Variants in TSPAN14 observed in about 807,000 individuals in gnomAD.
TSPAN14 encodes the protein tetraspanin 14.
TSPAN14 carries 16 observed loss-of-function variants against 36.6 expected under a neutral mutation model. That is an observed-to-expected ratio of 0.44 (90% CI 0.30 to 0.66). TSPAN14 has a LOEUF of 0.66. Among genes scored for constraint, TSPAN14 ranks in the 30% least tolerant of loss-of-function variants. The probability of loss-of-function intolerance (pLI) is 0.12; values close to 1 mark genes in which losing one functional copy is unlikely to be tolerated. For missense variants in TSPAN14, 231 were observed against 355.1 expected, an observed-to-expected ratio of 0.65 and a Z score of 2.81; for synonymous variants, 139 against 143.8, an observed-to-expected ratio of 0.97 and a Z score of 0.24.
chr10:80,509,564 G>A lies in TSPAN14; in HGVS notation c.450+93G>A, dbSNP rs1840499432. The A allele has an allele frequency of 1.4e-6, 2 of 1,387,980 alleles. No individual in the cohort carries two copies. Among genetic ancestry groups the A allele is most frequent in the Non-Finnish European group, 2.0e-6 (2 of 1,015,356 alleles). 86.0% of individuals were successfully genotyped at this position (1,387,980 alleles called of 1,614,324 possible). A position where few individuals can be genotyped will look rare whatever the true frequency, so the allele number is the denominator to read the frequency against. ...GCAGGGGCATCAGGCCTTCTCTGTG[G>A]GTTGTCTGCCTGCAGCTTGGCAGAC... On this transcript the variant is annotated intron_variant, in intron 5 of 8. Coordinates refer to ENST00000429989, the Ensembl canonical transcript of TSPAN14. This position sits in a 1 kb window ranked among gnomAD's most constrained non-coding sequence, Gnocchi z 4.7.
chr10:80,515,679 G>A (rs1326316363), intron 7 of TSPAN14: 1 of 161,946 alleles, frequency 6.2e-6, no homozygotes, highest in Non-Finnish European at 1.4e-5. Flanking sequence ...GCTGGGGTGT[G>A]TGCTGGGATG....
chr10:80,463,433 A>G (rs1846083000), intron 1 of TSPAN14, among the ~76,000 whole-genome samples: 1 of 152,242 alleles, frequency 6.6e-6, no homozygotes, highest in South Asian at 2.1e-4. Flanking sequence ...CCAGATGTTC[A>G]GTGCCTAGTC....
At chr10:80,506,970 G>A (rs1564741126) in intron 3 of TSPAN14, among the ~76,000 whole-genome samples, 1 of 152,246 alleles carries the variant, frequency 6.6e-6, no homozygotes, top group Non-Finnish European at 1.5e-5. Context: ...TGCAGAAGAA[G>A]CCTGGTGGCT....
At chr10:80,462,632 A>C (rs1181766057) in intron 1 of TSPAN14, among the ~76,000 whole-genome samples, 3 of 152,188 alleles carry the variant, frequency 2.0e-5, no homozygotes, top group Non-Finnish European at 4.4e-5. Flanking sequence ...TTTAAACAAC[A>C]TATATGTATC....
chr10:80,468,250 G>C (rs951610585), intron 1 of TSPAN14, among the ~76,000 whole-genome samples: 3 of 152,072 alleles, frequency 2.0e-5, no homozygotes, highest in Non-Finnish European at 4.4e-5. Flanking sequence ...CATTGTCTTC[G>C]GGGCCAGCCT....
At chr10:80,471,267 C>A (rs1290003974) in intron 1 of TSPAN14, among the ~76,000 whole-genome samples, 1 of 152,116 alleles carries the variant, frequency 6.6e-6, no homozygotes, top group East Asian at 1.9e-4. Context: ...TCTCCCACAG[C>A]AAAAGTCTTT....
intron 6 of TSPAN14, among the ~76,000 whole-genome samples, chr10:80,513,722 TAA>T (rs1287726303): frequency 6.6e-6 from 1 of 152,260 alleles, no homozygotes; most frequent in East Asian, 1.9e-4. Context: ...TCAGTGTCCA[TAA>T]AGTTTTCTTG....
intron 2 of TSPAN14, among the ~76,000 whole-genome samples, chr10:80,493,158 A>G (rs969531827): frequency 1.3e-5 from 2 of 152,208 alleles, no homozygotes; most frequent in African/African-American, 2.4e-5. Flanking sequence ...TTTTAGTGCA[A>G]AAATCTCACT....
At chr10:80,492,498 A>T (rs978346025) in intron 2 of TSPAN14, among the ~76,000 whole-genome samples, 2 of 152,150 alleles carry the variant, frequency 1.3e-5, no homozygotes, top group African/African-American at 4.8e-5. Context: ...ATGAGGTTTT[A>T]TTTAGTAGTT....
At chr10:80,458,183 T>C (rs1268259570) in intron 1 of TSPAN14, among the ~76,000 whole-genome samples, 2 of 152,204 alleles carry the variant, frequency 1.3e-5, no homozygotes, top group South Asian at 2.1e-4. Flanking sequence ...TCCCCACTTT[T>C]GTGGGACTCG....
chr10:80,514,636 A>C (rs1475835761), intron 7 of TSPAN14, among the ~76,000 whole-genome samples: 2 of 152,132 alleles, frequency 1.3e-5, no homozygotes, highest in Non-Finnish European at 2.9e-5. Flanking sequence ...AGGAGTCTCG[A>C]GGAATCTTCA....
At chr10:80,472,010 CT>C (rs1846580915) in intron 1 of TSPAN14, among the ~76,000 whole-genome samples, 1 of 152,200 alleles carries the variant, frequency 6.6e-6, no homozygotes, top group African/African-American at 2.4e-5. Context: ...CCCCATCTCC[CT>C]ATGTAGCTGG....
At chr10:80,454,909 A>T (rs1262988344) in intron 1 of TSPAN14, among the ~76,000 whole-genome samples, 1 of 152,142 alleles carries the variant, frequency 6.6e-6, no homozygotes, top group Non-Finnish European at 1.5e-5. Context: ...GGTTGTGCTC[A>T]GTCTCCCACG....
intron 2 of TSPAN14, among the ~76,000 whole-genome samples, chr10:80,496,275 A>AT (rs1214086230): frequency 2.6e-5 from 4 of 151,934 alleles, no homozygotes; most frequent in Admixed American, 1.3e-4. Context: ...TGATTTTTAG[A>AT]TTTTTTTCCT....
intron 1 of TSPAN14, among the ~76,000 whole-genome samples, chr10:80,469,127 G>A (rs1846399071): frequency 6.6e-6 from 1 of 151,968 alleles, no homozygotes; most frequent in African/African-American, 2.4e-5. Flanking sequence ...GAGCCCTGCT[G>A]GTGAGGTTAT....
intron 1 of TSPAN14, among the ~76,000 whole-genome samples, chr10:80,469,334 G>T (rs560979244): frequency 9.2e-5 from 14 of 151,846 alleles, no homozygotes; most frequent in Admixed American, 5.2e-4. Context: ...AAGATGTTTT[G>T]GTGTATGTTG....
At chr10:80,518,947 A>G (rs1841100464) in exon 9 of TSPAN14, 1 of 152,692 alleles carries the variant, frequency 6.5e-6, no homozygotes, top group Non-Finnish European at 1.5e-5. Flanking sequence ...GCCTCCCTCC[A>G]TGCATCCCAC....
chr10:80,469,205 C>T (rs74143136), intron 1 of TSPAN14, among the ~76,000 whole-genome samples: 4,758 of 152,172 alleles, frequency 0.031, 182 homozygotes, highest in East Asian at 0.088. Context: ...AAAGGGCAGC[C>T]CTAAGCCTCC....
intron 1 of TSPAN14, among the ~76,000 whole-genome samples, chr10:80,475,424 C>T (rs752704473): frequency 4.2e-4 from 64 of 152,140 alleles, no homozygotes; most frequent in Non-Finnish European, 6.5e-4. Context: ...AAATTAACTT[C>T]GTGTGGTGGT....
Sources: gnomAD v4.1 joint callset for allele counts (sites outside exome capture counted in the v4.1 genomes callset) on GRCh38, gnomAD v4.1.1 for gene constraint, Gnocchi (gnomAD v3.1) non-coding constraint, MANE v1.5 for transcripts, NCBI Gene and HGNC (gene_info 2026-07-23, HGNC 2026-07-21) for gene names.